Variants in MARCHF8 observed in about 807,000 individuals in gnomAD.
MARCHF8 encodes the protein E3 ubiquitin-protein ligase MARCHF8.
In MARCHF8, 40 loss-of-function variants were observed where a neutral mutation model predicts 51.6. The ratio of observed to expected loss-of-function variants is 0.77; its 90% confidence interval spans 0.60 to 1.01. MARCHF8 has a LOEUF of 1.01. MARCHF8 is among the 50% of genes least tolerant of loss of function. The pLI is 0.00. For missense variants in MARCHF8, 685 were observed against 708.6 expected, an observed-to-expected ratio of 0.97 and a Z score of 0.38; for synonymous variants, 263 against 280.3, an observed-to-expected ratio of 0.94 and a Z score of 0.62.
chr10:45,472,781 T>G (rs1306515842), intron 3 of MARCHF8, among the ~76,000 whole-genome samples: 2 of 152,166 alleles, frequency 1.3e-5, no homozygotes, highest in African/African-American at 4.8e-5. Flanking sequence ...AGACAGTCGG[T>G]TAAACTTTGC....
intron 2 of MARCHF8, among the ~76,000 whole-genome samples, chr10:45,524,813 A>C (rs2043764752): frequency 6.6e-6 from 1 of 152,136 alleles, no homozygotes; most frequent in Non-Finnish European, 1.5e-5. Flanking sequence ...TAGCCCAAAA[A>C]AAAAAGCACA....
Position 45,461,655 on chromosome 10 carries a change from A to G in MARCHF8, c.1089-244T>C, listed in dbSNP as rs541210362. 4 of 341,034 alleles carry G rather than the reference A, an allele frequency of 1.2e-5. No homozygotes were observed. In the South Asian group the frequency reaches 4.3e-4, roughly 37 times the overall value. The allele number at this position is 341,034 out of a possible 1,614,324, so 21.1% of individuals were successfully genotyped here. A position where few individuals can be genotyped will look rare whatever the true frequency, so the allele number is the denominator to read the frequency against. ...ACAGAAAGGAAAAAACGATGTAAGA[A>G]ATGACAAAGCTGTCATTTTTTGGTA... On this transcript the variant is annotated intron_variant, in intron 5 of 7. Coordinates refer to ENST00000453424, the MANE Select transcript of MARCHF8 (RefSeq NM_001282866.2).
At chr10:45,527,205 C>A (rs1228526579) in intron 2 of MARCHF8, among the ~76,000 whole-genome samples, 1 of 152,002 alleles carries the variant, frequency 6.6e-6, no homozygotes, top group Admixed American at 6.5e-5. Context: ...CACAAGTTAA[C>A]CTGACATAGT....
At chr10:45,535,886 G>T (rs1053144486), upstream of MARCHF8, among the ~76,000 whole-genome samples, 2 of 152,136 alleles carry the variant, frequency 1.3e-5, no homozygotes, top group African/African-American at 4.8e-5. Flanking sequence ...TTCACATCTA[G>T]AAGAGATACT....
At chr10:45,586,387 T>C (rs964456823) in intron 1 of MARCHF8, among the ~76,000 whole-genome samples, 5 of 152,180 alleles carry the variant, frequency 3.3e-5, no homozygotes, top group African/African-American at 1.2e-4. Flanking sequence ...TGCAATTCAC[T>C]CCTTTTTTCT....
intron 1 of MARCHF8, among the ~76,000 whole-genome samples, chr10:45,540,622 TG>T (rs1314299527): frequency 1.3e-5 from 2 of 152,124 alleles, no homozygotes; most frequent in Non-Finnish European, 2.9e-5. Flanking sequence ...ACCATCAAAG[TG>T]AACAGGCAAC....
intron 2 of MARCHF8, among the ~76,000 whole-genome samples, chr10:45,500,742 A>G (rs1831984553): frequency 6.6e-6 from 1 of 152,154 alleles, no homozygotes; most frequent in South Asian, 2.1e-4. Context: ...CTATCTGCAC[A>G]TGACATGAAT....
rs559429128 is a variant in MARCHF8 at position 45,478,738 on chromosome 10, C to T, written c.153+10629G>A. Among the ~76,000 whole-genome samples, 13 of 152,130 alleles carry T rather than the reference C, an allele frequency of 8.5e-5. 1 individual carries two copies. In the South Asian group the frequency reaches 2.5e-3, roughly 29 times the overall value. On this transcript the variant is annotated intron_variant, in intron 3 of 7. Coordinates refer to ENST00000453424, the MANE Select transcript of MARCHF8 (RefSeq NM_001282866.2). ...TACAAAAGATCATCAGAGACTATTA[C>T]GAACTACATGCTATCAAACTGGAAA...
chr10:45,579,346 T>C (rs536447472), intron 1 of MARCHF8, among the ~76,000 whole-genome samples: 5 of 150,402 alleles, frequency 3.3e-5, no homozygotes, highest in African/African-American at 4.9e-5. Flanking sequence ...GCAAAAGACA[T>C]AACTAGAAAA....
chr10:45,468,113 A>C (rs1322622563), intron 3 of MARCHF8, among the ~76,000 whole-genome samples: 1 of 152,198 alleles, frequency 6.6e-6, no homozygotes. Flanking sequence ...ACTTTTTGAC[A>C]ATTTGTTTTG....
intron 5 of MARCHF8, among the ~76,000 whole-genome samples, 184 bp downstream of exon 5, chr10:45,462,967 T>A (rs993645053): frequency 5.3e-5 from 8 of 152,214 alleles, no homozygotes; most frequent in Non-Finnish European, 1.0e-4. Flanking sequence ...ATCTTGGGAC[T>A]CACATCATAA....
At chr10:45,548,156 T>C (rs1016290932) in intron 1 of MARCHF8, among the ~76,000 whole-genome samples, 9 of 152,182 alleles carry the variant, frequency 5.9e-5, no homozygotes, top group African/African-American at 4.8e-5. Flanking sequence ...TGCTACCCAG[T>C]AGGAAAAAAT....
chr10:45,515,706 G>A (rs370106169), intron 2 of MARCHF8, among the ~76,000 whole-genome samples: 6 of 152,090 alleles, frequency 3.9e-5, no homozygotes, highest in African/African-American at 1.4e-4. Context: ...TCCCCTCATT[G>A]CCTTCCACTT....
intron 2 of MARCHF8, among the ~76,000 whole-genome samples, chr10:45,511,143 T>C (rs528596035): frequency 2.6e-4 from 40 of 152,334 alleles, no homozygotes; most frequent in Middle Eastern, 3.4e-3. Flanking sequence ...CCATTAAGTA[T>C]TTTTCATTTT....
At chr10:45,517,424 G>C (rs1352299268) in intron 2 of MARCHF8, among the ~76,000 whole-genome samples, 3 of 152,190 alleles carry the variant, frequency 2.0e-5, no homozygotes, top group Non-Finnish European at 4.4e-5. Flanking sequence ...GATCCCTCAG[G>C]AATGGTTTTT....
intron 1 of MARCHF8, among the ~76,000 whole-genome samples, chr10:45,552,520 C>T (rs867467405): frequency 6.6e-6 from 1 of 152,080 alleles, no homozygotes; most frequent in African/African-American, 2.4e-5. Context: ...TCAGCTATCA[C>T]GTCTTAGAGA....
rs574918486 is a variant in MARCHF8, at chr10:45,463,324, G to T, written c.915C>A (p.Asp305Glu). ...CAAAGACATCGTCGTCTCCCATCTC[G>T]TCAGAGCAGAAGCCCATACTCCCTG... ...GLAGSMGFCS[D>E]EMGDDDVFED... The change falls in exon 5 of 8, where the codon GAC becomes GAA. Residue 305 changes from aspartate (D) to glutamate (E), a missense_variant. Physicochemically the swap from Asp to Glu is conservative, Grantham distance 45 (BLOSUM62 2). Transcript: ENST00000453424. 3 of 1,550,814 alleles carry T rather than the reference G, an allele frequency of 1.9e-6. No individual in the cohort carries two copies. The highest frequency in any genetic ancestry group is 2.7e-5 in the African/African-American group (2 of 73,044).
At chr10:45,545,365 T>C (rs548125922) in intron 1 of MARCHF8, among the ~76,000 whole-genome samples, 111 of 152,314 alleles carry the variant, frequency 7.3e-4, no homozygotes, top group African/African-American at 2.4e-3. Context: ...ACTCAAACTA[T>C]TAAGCAACAC....
chr10:45,495,841 GA>G (rs35930786), intron 2 of MARCHF8, among the ~76,000 whole-genome samples: 8,945 of 148,176 alleles, frequency 0.06, 313 homozygotes, highest in Non-Finnish European at 0.067. Context: ...AGAGAAAAGA[GA>G]AAAAAGAAAA....
Sources: gnomAD v4.1 joint callset for allele counts (sites outside exome capture counted in the v4.1 genomes callset) on GRCh38, gnomAD v4.1.1 for gene constraint, MANE v1.5 for transcripts, NCBI Gene and HGNC (gene_info 2026-07-23, HGNC 2026-07-21) for gene names.